The following GPD2 variants were observed in gnomAD, a reference collection of about 807,000 sequenced individuals.
The protein encoded by GPD2 is glycerol-3-phosphate dehydrogenase, mitochondrial.
Under a neutral mutation model 82.4 loss-of-function variants are expected in GPD2, and 54 were observed. That is an observed-to-expected ratio of 0.66 (90% confidence interval 0.53 to 0.82). The LOEUF (loss-of-function observed/expected upper bound fraction) is 0.82, where lower values mean the gene tolerates loss of function less well. GPD2 is among the 40% of genes least tolerant of loss of function. GPD2 has a pLI of 0.00. For synonymous variants in GPD2, 288 were observed against 306.1 expected (o/e 0.94, Z 0.62); for missense variants, 748 against 896.2 (o/e 0.83, Z 2.11).
chr2:156,498,365 A>T (rs1684462214), intron 3 of GPD2, among the ~76,000 whole-genome samples: 1 of 152,184 alleles, frequency 6.6e-6, no homozygotes, highest in Non-Finnish European at 1.5e-5. Context: ...ACACTGAAAC[A>T]TGAGGGTAGT....
intron 9 of GPD2, among the ~76,000 whole-genome samples, chr2:156,565,198 A>G (rs1027759352): frequency 3.9e-5 from 6 of 152,252 alleles, no homozygotes; most frequent in South Asian, 2.1e-4. Flanking sequence ...CAAATTCCTG[A>G]TCAGTGTGGC....
chr2:156,476,520 G>A (rs1359247195), intron 2 of GPD2, among the ~76,000 whole-genome samples: 2 of 152,022 alleles, frequency 1.3e-5, no homozygotes, highest in Non-Finnish European at 2.9e-5. Flanking sequence ...CTAATTCATC[G>A]AAATGTCTGG....
chr2:156,409,000 G>T, the GPD2 span, among the ~76,000 whole-genome samples: 1 of 152,184 alleles, frequency 6.6e-6, no homozygotes, highest in Non-Finnish European at 1.5e-5. Context: ...AAAGGGAAAG[G>T]TTGGACAGAG....
rs1483780228 is a variant in GPD2, at chr2:156,506,263, A to G, written c.275-4533A>G. On this transcript the variant is annotated intron_variant, in intron 3 of 16. Coordinates refer to ENST00000438166, the MANE Select transcript of GPD2 (RefSeq NM_000408.5). ...CAATTTAGCTATAACTTTGGAAACT[A>G]AAATTTTAAGTTTTTGCTCTGGAAG... is the stretch of plus-strand genomic sequence containing the variant. Among the ~76,000 whole-genome samples, 9 of 152,314 alleles carry G rather than the reference A, an allele frequency of 5.9e-5. No homozygotes were observed. In the East Asian group the frequency reaches 1.7e-3, roughly 29 times the overall value.
At chr2:156,529,897 G>T (rs932609663) in intron 6 of GPD2, among the ~76,000 whole-genome samples, 1 of 152,020 alleles carries the variant, frequency 6.6e-6, no homozygotes, top group Admixed American at 6.5e-5. Flanking sequence ...TGTTCTTTTG[G>T]CTTAGGATTG....
At chr2:156,425,798 G>C in the GPD2 span, among the ~76,000 whole-genome samples, 24,235 of 152,112 alleles carry the variant, frequency 0.16, 2,242 homozygotes, top group East Asian at 0.25. Flanking sequence ...ACCTTGCCTG[G>C]GAGGCATATG....
the GPD2 span, among the ~76,000 whole-genome samples, chr2:156,417,894 A>C: frequency 6.6e-6 from 1 of 152,086 alleles, no homozygotes; most frequent in African/African-American, 2.4e-5. Context: ...ATAAAAATAA[A>C]GAATAACAAG....
intron 13 of GPD2, among the ~76,000 whole-genome samples, chr2:156,575,430 T>TTTTATTTTTTTTTTTTTTTTTC (rs1687784915): frequency 7.0e-6 from 1 of 143,050 alleles, no homozygotes; most frequent in African/African-American, 2.6e-5. Flanking sequence ...TGAGACAAGG[T>TTTTATTTTTTTTTTTTTTTTTC]CTTGCTATGT....
chr2:156,430,855 T>A (rs1294629926), upstream of GPD2, among the ~76,000 whole-genome samples: 1 of 152,214 alleles, frequency 6.6e-6, no homozygotes, highest in Non-Finnish European at 1.5e-5. Context: ...AGTACCCACA[T>A]GGTGGGAAAA....
intron 6 of GPD2, among the ~76,000 whole-genome samples, chr2:156,541,826 T>TTTG (rs1553475240): frequency 3.6e-5 from 5 of 139,580 alleles, no homozygotes; most frequent in African/African-American, 1.3e-4. Context: ...TGCTGTTTGT[T>TTTG]TTTTTTTTTT....
intron 2 of GPD2, among the ~76,000 whole-genome samples, chr2:156,490,743 C>G (rs1684144766): frequency 6.6e-6 from 1 of 152,114 alleles, no homozygotes; most frequent in Admixed American, 6.6e-5. Context: ...CTGTATGTCT[C>G]AGATAGTTCT....
At chr2:156,435,711 C>G (rs923836084), upstream of GPD2, 1 of 152,168 alleles carries the variant, frequency 6.6e-6, no homozygotes, top group African/African-American at 2.4e-5. Flanking sequence ...TCGCCCGCCT[C>G]CTGGACACGT....
intron 6 of GPD2, among the ~76,000 whole-genome samples, chr2:156,547,266 T>C (rs1686577607): frequency 6.6e-6 from 1 of 152,198 alleles, no homozygotes; most frequent in South Asian, 2.1e-4. Flanking sequence ...AAGCAGTGAA[T>C]AATTTTGCCC....
chr2:156,515,893 A>G (rs1268644885), intron 6 of GPD2, among the ~76,000 whole-genome samples: 1 of 152,250 alleles, frequency 6.6e-6, no homozygotes, highest in East Asian at 1.9e-4. Context: ...TTTTACAACT[A>G]TATTTACATG....
At chr2:156,560,252 T>C (rs1439319974) in intron 9 of GPD2, among the ~76,000 whole-genome samples, 1 of 152,214 alleles carries the variant, frequency 6.6e-6, no homozygotes, top group African/African-American at 2.4e-5. Flanking sequence ...TAACGGAGAC[T>C]GGATCACTTA....
chr2:156,404,999 C>T, the GPD2 span, among the ~76,000 whole-genome samples: 29 of 152,180 alleles, frequency 1.9e-4, no homozygotes, highest in South Asian at 1.5e-3. Context: ...AAAGAAGGTT[C>T]GGAGCATTTG....
intron 2 of GPD2, among the ~76,000 whole-genome samples, chr2:156,490,731 T>C (rs1296213745): frequency 1.3e-5 from 2 of 152,232 alleles, no homozygotes; most frequent in Non-Finnish European, 2.9e-5. Context: ...ATTGCTTAAC[T>C]TCTGTATGTC....
chr2:156,504,380 A>T (rs535910137), intron 3 of GPD2, among the ~76,000 whole-genome samples: 4 of 152,010 alleles, frequency 2.6e-5, no homozygotes, highest in African/African-American at 9.7e-5. Flanking sequence ...CTAAAGAAAG[A>T]TAAACTCACC....
intron 9 of GPD2, among the ~76,000 whole-genome samples, chr2:156,559,603 C>G (rs1459382824): frequency 6.6e-6 from 1 of 151,992 alleles, no homozygotes; most frequent in East Asian, 1.9e-4. Flanking sequence ...TCAGGTGACT[C>G]CTAGTTTAAT....
Sources: allele counts gnomAD v4.1 joint callset (sites outside exome capture counted in the v4.1 genomes callset), GRCh38; gene constraint gnomAD v4.1.1; transcripts MANE v1.5; gene names NCBI Gene and HGNC (gene_info 2026-07-23, HGNC 2026-07-21).